CFAP61: variants seen among roughly 807,000 people sequenced by gnomAD.
CFAP61 encodes cilia- and flagella-associated protein 61.
In CFAP61, 107 loss-of-function variants were observed where a neutral mutation model predicts 135.6. The ratio of observed to expected loss-of-function variants is 0.79; its 90% CI spans 0.67 to 0.93. CFAP61 has a LOEUF of 0.93. Ranked by LOEUF, CFAP61 falls within the 40% of genes least tolerant of loss-of-function variation. CFAP61 has a pLI of 0.00. For missense variants in CFAP61, 1,507 were observed against 1,556.2 expected (o/e 0.97, Z 0.53); for synonymous variants, 575 against 578.5 (o/e 0.99, Z 0.09).
intron 9 of CFAP61, among the ~76,000 whole-genome samples, chr20:20,146,526 A>G (rs904522687): frequency 2.6e-5 from 4 of 152,254 alleles, no homozygotes; most frequent in African/African-American, 9.6e-5. Context: ...TATGATTTTT[A>G]GGCTAGGCTC....
At chr20:20,282,427 TAA>T (rs2054265891) in intron 22 of CFAP61, among the ~76,000 whole-genome samples, 1 of 152,198 alleles carries the variant, frequency 6.6e-6, no homozygotes, top group South Asian at 2.1e-4. Context: ...CATTTCAGCA[TAA>T]GTTTTCCATT....
chr20:20,085,784 A>G (rs964411867), intron 6 of CFAP61, among the ~76,000 whole-genome samples: 1 of 152,166 alleles, frequency 6.6e-6, no homozygotes, highest in Non-Finnish European at 1.5e-5. Flanking sequence ...TATTGATGCA[A>G]CCTTTTATTT....
intron 21 of CFAP61, among the ~76,000 whole-genome samples, chr20:20,264,237 A>G (rs1189342680): frequency 6.6e-6 from 1 of 152,124 alleles, no homozygotes; most frequent in Non-Finnish European, 1.5e-5. Flanking sequence ...TCTCTCTTTT[A>G]TGCATTGCTT....
In CFAP61 at chr20:20,164,194, C is replaced by T. The variant is rs770322550; in HGVS notation, c.1171C>T (p.Gln391Ter). The change falls in exon 11 of 27, where the codon CAG (glutamine) becomes TAG (stop). Residue 391 changes from glutamine (Q) to a stop codon, truncating the protein, a stop_gained. Coordinates refer to ENST00000245957, the MANE Select transcript of CFAP61 (RefSeq NM_015585.4). LOFTEE classifies it high-confidence loss of function. ...YRGASAAFCI[Q>*]LFCIDEKYEA... is the part of the protein sequence containing the mutation. ...GGGAGCCTCAGCTGCTTTTTGTATT[C>T]AGCTGTTTTGTATTGATGAGAAATA... The T allele has an allele frequency of 6.2e-7, 1 of 1,613,990 alleles. No individual in the cohort carries two copies. The highest frequency in any genetic ancestry group is 8.5e-7 in the Non-Finnish European group (1 of 1,179,914).
intron 21 of CFAP61, among the ~76,000 whole-genome samples, chr20:20,273,014 T>C (rs2053476662): frequency 6.6e-6 from 1 of 151,420 alleles, no homozygotes; most frequent in Admixed American, 6.6e-5. Context: ...CCTGAGTAAC[T>C]AGGACTAGAG....
chr20:20,052,752 C>T, intron 1 of CFAP61, 161 bp downstream of exon 1: 1 of 1,566,976 alleles, frequency 6.4e-7, no homozygotes, highest in Non-Finnish European at 8.7e-7. Context: ...GAGCTCCAAT[C>T]TGGATGCTCG....
intron 8 of CFAP61, among the ~76,000 whole-genome samples, chr20:20,119,000 T>G (rs1427677426): frequency 6.6e-6 from 1 of 152,136 alleles, no homozygotes; most frequent in Non-Finnish European, 1.5e-5. Context: ...ATATCTTTAA[T>G]GTGTTATGGA....
chr20:20,346,792 A>G (rs1412654148), intron 26 of CFAP61, among the ~76,000 whole-genome samples: 1 of 152,220 alleles, frequency 6.6e-6, no homozygotes, highest in African/African-American at 2.4e-5. Context: ...GAAAGAAGAA[A>G]TAGTTCTAAA....
intron 8 of CFAP61, among the ~76,000 whole-genome samples, chr20:20,120,491 C>T (rs993606494): frequency 2.0e-5 from 3 of 152,108 alleles, no homozygotes; most frequent in African/African-American, 7.2e-5. Context: ...AGAAGAAATA[C>T]TTGATATGAT....
At chr20:20,077,164 A>G (rs2046112098) in intron 6 of CFAP61, among the ~76,000 whole-genome samples, 1 of 152,150 alleles carries the variant, frequency 6.6e-6, no homozygotes, top group Non-Finnish European at 1.5e-5. Context: ...ACCCCTCTAA[A>G]TGTCCATCCA....
rs2045666081 is a variant in CFAP61 at position 20,071,006 on chromosome 20, T to C, written c.294+2T>C. ...CTCGACAGTGACATCCCATGCACAG[T>C]AAGAAATCACATACAGTGCTTGTTA... On this transcript the variant is annotated splice_donor_variant, in intron 3 of 26. Coordinates refer to ENST00000245957, the MANE Select transcript of CFAP61 (RefSeq NM_015585.4). LOFTEE classifies it high-confidence loss of function. The C allele has an allele frequency of 1.2e-6, 2 of 1,612,756 alleles. No homozygotes were observed. The highest frequency in any genetic ancestry group is 1.7e-5 in the Admixed American group (1 of 59,756).
chr20:20,099,858 A>C (rs527956445), intron 8 of CFAP61, among the ~76,000 whole-genome samples: 1 of 152,306 alleles, frequency 6.6e-6, no homozygotes, highest in East Asian at 1.9e-4. Context: ...TGACTTGGCT[A>C]AGCTTATCCC....
intron 25 of CFAP61, among the ~76,000 whole-genome samples, chr20:20,300,611 T>G (rs1430684118): frequency 6.6e-6 from 1 of 151,740 alleles, no homozygotes; most frequent in African/African-American, 2.4e-5. Flanking sequence ...TTTTTTGTTT[T>G]TTTTTTTTTT....
chr20:20,249,568 A>C (rs367820015), intron 19 of CFAP61, among the ~76,000 whole-genome samples: 2 of 152,142 alleles, frequency 1.3e-5, no homozygotes, highest in South Asian at 4.1e-4. Context: ...ATGTAGTAAC[A>C]TATTGTAACA....
At chr20:20,072,457 T>C (rs2045789139) in intron 3 of CFAP61, among the ~76,000 whole-genome samples, 1 of 152,142 alleles carries the variant, frequency 6.6e-6, no homozygotes, top group Non-Finnish European at 1.5e-5. Context: ...GTAAATCACC[T>C]GAAGTATCCA....
At chr20:20,330,808 G>A (rs1480793370) in intron 25 of CFAP61, among the ~76,000 whole-genome samples, 2 of 152,134 alleles carry the variant, frequency 1.3e-5, no homozygotes, top group Non-Finnish European at 2.9e-5. Context: ...AAAAAATGGG[G>A]CTCTGATACC....
intron 2 of CFAP61, among the ~76,000 whole-genome samples, chr20:20,062,362 T>C (rs2044870949): frequency 6.6e-6 from 1 of 152,198 alleles, no homozygotes; most frequent in African/African-American, 2.4e-5. Context: ...TATGCAGAAA[T>C]AGTTGAACAA....
chr20:20,116,845 A>G (rs962343206), intron 8 of CFAP61, among the ~76,000 whole-genome samples: 1 of 151,940 alleles, frequency 6.6e-6, no homozygotes, highest in Non-Finnish European at 1.5e-5. Context: ...GAGTGAGAAC[A>G]TTTGATACTT....
chr20:20,186,022 A>G (rs1043115456), intron 13 of CFAP61, among the ~76,000 whole-genome samples: 1 of 152,122 alleles, frequency 6.6e-6, no homozygotes, highest in African/African-American at 2.4e-5. Context: ...CTTTATTGAG[A>G]TGTAATTCAC....
Sources: gnomAD v4.1 joint callset for allele counts (sites outside exome capture counted in the v4.1 genomes callset) on GRCh38, gnomAD v4.1.1 for gene constraint, MANE v1.5 for transcripts, NCBI Gene and HGNC (gene_info 2026-07-23, HGNC 2026-07-21) for gene names.